C1orf21: variants seen among roughly 807,000 people sequenced by gnomAD.
C1orf21 encodes the protein uncharacterized protein C1orf21.
A neutral mutation model predicts 18.7 loss-of-function variants in C1orf21; 3 were observed. The ratio of observed to expected loss-of-function variants is 0.16; its 90% CI spans 0.07 to 0.42. The LOEUF (loss-of-function observed/expected upper bound fraction) is 0.42, where lower values mean the gene tolerates loss of function less well. Ranked by LOEUF, C1orf21 falls within the 10% of genes least tolerant of loss-of-function variation. The probability of loss-of-function intolerance (pLI) is 0.99; values close to 1 mark genes in which losing one functional copy is unlikely to be tolerated. For missense variants in C1orf21, 104 were observed against 143.6 expected (o/e 0.72, Z 1.41); for synonymous variants, 41 against 46.4 (o/e 0.88, Z 0.47).
chr1:184,486,460 C>T (rs756511645), intron 2 of C1orf21, among the ~76,000 whole-genome samples: 7 of 152,118 alleles, frequency 4.6e-5, no homozygotes, highest in Non-Finnish European at 8.8e-5. Flanking sequence ...ATAAGGAGAG[C>T]GTCCAGAACA....
At chr1:184,550,717 T>C (rs1263355829) in intron 3 of C1orf21, among the ~76,000 whole-genome samples, 1 of 152,016 alleles carries the variant, frequency 6.6e-6, no homozygotes, top group Non-Finnish European at 1.5e-5. Context: ...CCATATTTTT[T>C]GTGGAGATGG....
At chr1:184,423,571 A>G (rs1043189929) in intron 1 of C1orf21, among the ~76,000 whole-genome samples, 1 of 152,172 alleles carries the variant, frequency 6.6e-6, no homozygotes, top group Non-Finnish European at 1.5e-5. Flanking sequence ...TAGTGGAGAG[A>G]GAAATGAGGA....
chr1:184,431,085 T>G (rs1571354347), intron 1 of C1orf21, among the ~76,000 whole-genome samples: 1 of 152,204 alleles, frequency 6.6e-6, no homozygotes, highest in South Asian at 2.1e-4. Flanking sequence ...TGGCTGTCTA[T>G]TATTGATATA....
chr1:184,626,970 G>C lies in C1orf21; in HGVS notation c.*7414G>C, dbSNP rs1046696212. 5 of 152,636 alleles carry C rather than the reference G, an allele frequency of 3.3e-5. No individual in the cohort carries two copies. The highest frequency in any genetic ancestry group is 1.2e-4 in the African/African-American group (5 of 41,438). 9.5% of individuals were successfully genotyped at this position (152,636 alleles called of 1,614,324 possible). The stretch of plus-strand genomic sequence containing the variant: ...TAGTGTGTGATCCTAACTAAAGGCA[G>C]CTCTCTTGGACAGCCTTCCCCTGGA... On this transcript the variant is annotated 3_prime_UTR_variant, in exon 6 of 6. Coordinates refer to ENST00000235307, the MANE Select transcript of C1orf21 (RefSeq NM_030806.4).
chr1:184,449,186 C>T (rs1182714482), intron 1 of C1orf21, among the ~76,000 whole-genome samples: 1 of 151,854 alleles, frequency 6.6e-6, no homozygotes, highest in Non-Finnish European at 1.5e-5. Context: ...TCTCCTAATG[C>T]TATCCCTCCC....
intron 1 of C1orf21, among the ~76,000 whole-genome samples, chr1:184,422,507 C>T (rs1316182455): frequency 1.3e-5 from 2 of 152,104 alleles, no homozygotes; most frequent in African/African-American, 2.4e-5. Context: ...GTAAGTAACT[C>T]GCTTCAGGAC....
intron 1 of C1orf21, among the ~76,000 whole-genome samples, chr1:184,392,612 A>G (rs1303965510): frequency 1.3e-5 from 2 of 152,124 alleles, no homozygotes; most frequent in African/African-American, 4.8e-5. Context: ...TAATAACTGA[A>G]GTAAAGGAAA....
At chr1:184,580,135 A>C (rs906655595) in intron 3 of C1orf21, among the ~76,000 whole-genome samples, 1 of 151,714 alleles carries the variant, frequency 6.6e-6, no homozygotes, top group African/African-American at 2.4e-5. Flanking sequence ...CATCCCTAAA[A>C]ATTTTTGCCA....
At chr1:184,525,634 G>T (rs537436186) in intron 3 of C1orf21, among the ~76,000 whole-genome samples, 4 of 152,186 alleles carry the variant, frequency 2.6e-5, no homozygotes, top group South Asian at 4.2e-4. Context: ...ATTATCTCTG[G>T]GTGGTAGGGT....
intron 1 of C1orf21, among the ~76,000 whole-genome samples, chr1:184,453,786 T>C (rs1657156660): frequency 1.3e-5 from 2 of 152,200 alleles, no homozygotes; most frequent in South Asian, 4.1e-4. Context: ...TTCACAGCCT[T>C]TGTCTACTTG....
intron 5 of C1orf21, among the ~76,000 whole-genome samples, chr1:184,615,334 C>T (rs1399355578): frequency 6.6e-6 from 1 of 152,156 alleles, no homozygotes; most frequent in African/African-American, 2.4e-5. Flanking sequence ...CCCGAAGGCA[C>T]TCATGGTTCT....
At chr1:184,542,439 G>A (rs1004703100) in intron 3 of C1orf21, 5 of 152,152 alleles carry the variant, frequency 3.3e-5, no homozygotes, top group Admixed American at 1.3e-4. Context: ...TGACCCAATC[G>A]TAGTTCACAG....
rs1488336597 is a variant in C1orf21 at position 184,508,944 on chromosome 1, G to A, written c.189+1262G>A. On this transcript the variant is annotated intron_variant, in intron 3 of 5. Transcript: ENST00000235307. ...TTATTTTGTTTTGAATGGATAAATC[G>A]AAGACCTGAGTATTGAAATATCAGT... Among the ~76,000 whole-genome samples, 5 of 152,030 alleles carry A rather than the reference G, an allele frequency of 3.3e-5. No individual in the cohort carries two copies. The South Asian group carries it at 8.3e-4, about 25-fold the overall frequency.
At chr1:184,499,599 T>C (rs1309093306) in intron 2 of C1orf21, among the ~76,000 whole-genome samples, 1 of 152,140 alleles carries the variant, frequency 6.6e-6, no homozygotes, top group Non-Finnish European at 1.5e-5. Context: ...TGGAAATGTG[T>C]CCACATTCTT....
At chr1:184,517,999 C>T (rs1048157835) in intron 3 of C1orf21, among the ~76,000 whole-genome samples, 8 of 152,066 alleles carry the variant, frequency 5.3e-5, no homozygotes, top group African/African-American at 7.2e-5. Flanking sequence ...TAACCTTACT[C>T]GCAGGAGTCA....
chr1:184,527,648 T>C (rs1658398071), intron 3 of C1orf21, among the ~76,000 whole-genome samples: 1 of 152,142 alleles, frequency 6.6e-6, no homozygotes, highest in South Asian at 2.1e-4. Flanking sequence ...CCTAACAAAA[T>C]GGGACACGCT....
chr1:184,585,681 TCATTATTTAGCTCC>T (rs1340675676), intron 3 of C1orf21, among the ~76,000 whole-genome samples: 1 of 152,234 alleles, frequency 6.6e-6, no homozygotes, highest in Non-Finnish European at 1.5e-5. Flanking sequence ...CCATGTCTTC[TCATTATTTAGCTCC>T]CACTTATAAT....
chr1:184,460,635 T>G (rs953645754), intron 1 of C1orf21, among the ~76,000 whole-genome samples: 116 of 96,136 alleles, frequency 1.2e-3, no homozygotes, highest in Middle Eastern at 5.7e-3. Context: ...CTTCTTCTTC[T>G]TCTTCTTCTT....
intron 1 of C1orf21, among the ~76,000 whole-genome samples, chr1:184,392,572 C>T (rs1655986183): frequency 6.6e-6 from 1 of 152,018 alleles, no homozygotes; most frequent in Non-Finnish European, 1.5e-5. Flanking sequence ...GAACTGCACT[C>T]CTATCATCTA....
Sources: allele counts gnomAD v4.1 joint callset (sites outside exome capture counted in the v4.1 genomes callset), GRCh38; gene constraint gnomAD v4.1.1; transcripts MANE v1.5; gene names NCBI Gene and HGNC (gene_info 2026-07-23, HGNC 2026-07-21).